TRPM5: variants seen among roughly 807,000 people sequenced by gnomAD.
TRPM5 encodes transient receptor potential cation channel subfamily M member 5.
TRPM5 carries 121 observed loss-of-function variants against 124.9 expected under a neutral mutation model. The observed-to-expected ratio is 0.97, with a 90% CI of 0.84 to 1.13. The LOEUF is 1.13. Among genes scored for constraint, TRPM5 ranks in the 50% most tolerant of loss-of-function variants. TRPM5 has a pLI of 0.00. For synonymous variants in TRPM5, 781 were observed against 700.5 expected (o/e 1.11, Z -1.81); for missense variants, 1,643 against 1,589.1 (o/e 1.03, Z -0.58).
exon 9 of TRPM5, chr11:2,415,323 C>A: frequency 1.3e-6 from 2 of 1,585,144 alleles, no homozygotes. Flanking sequence ...GAAGAGCAGG[C>A]TCTTGCGTGA....
At chr11:2,433,464 AG>A in the TRPM5 span, among the ~76,000 whole-genome samples, 6 of 152,220 alleles carry the variant, frequency 3.9e-5, no homozygotes. Flanking sequence ...TGGCTGGGGT[AG>A]GGGGCTCCAT....
At chr11:2,414,013 G>GCCGC in intron 12 of TRPM5, 48 bp downstream of exon 17, 1 of 625,666 alleles carries the variant, frequency 1.6e-6, no homozygotes, top group Non-Finnish European at 2.4e-6. Flanking sequence ...CAGCTCGCCC[G>GCCGC]CCCACCCCAC....
chr11:2,408,169 G>T (rs59240172), intron 18 of TRPM5, among the ~76,000 whole-genome samples: 2 of 152,186 alleles, frequency 1.3e-5, no homozygotes, highest in Non-Finnish European at 2.9e-5. Flanking sequence ...CTTCCACCAG[G>T]GGCTGGAGTC....
At chr11:2,410,081 T>C (rs1850414294) in intron 18 of TRPM5, among the ~76,000 whole-genome samples, 1 of 152,094 alleles carries the variant, frequency 6.6e-6, no homozygotes, top group African/African-American at 2.4e-5. Context: ...CTGGAGGCCG[T>C]ATGGTGAGGG....
rs763548721 is a variant in TRPM5, at chr11:2,405,063, C to T, written c.3392-20G>A. 11 of 1,604,744 alleles carry T rather than the reference C, an allele frequency of 6.9e-6. No individual in the cohort carries two copies. The highest frequency in any genetic ancestry group is 1.1e-5 in the South Asian group (1 of 90,612). On this transcript the variant is annotated intron_variant, in intron 23 of 23. Transcript: ENST00000155858. ...GAGAGCCTGCTGGGAAGGAAGGCCC[C>T]CCTGAGCGGTGGGAACCAGCAAGGC...
chr11:2,416,881 A>T (rs1444646209), intron 7 of TRPM5, among the ~76,000 whole-genome samples: 1 of 152,244 alleles, frequency 6.6e-6, no homozygotes, highest in African/African-American at 2.4e-5. Context: ...CGGTCTGTCC[A>T]CAGGCTGGAA....
the TRPM5 span, among the ~76,000 whole-genome samples, chr11:2,444,313 TC>T: frequency 6.7e-6 from 1 of 150,126 alleles, no homozygotes; most frequent in East Asian, 2.0e-4. Context: ...ATCCCTTTCC[TC>T]CCCCCAACCC....
chr11:2,435,213 T>C, the TRPM5 span, among the ~76,000 whole-genome samples: 1 of 152,250 alleles, frequency 6.6e-6, no homozygotes, highest in South Asian at 2.1e-4. The surrounding 1 kb of genome is among the most constrained non-coding windows in gnomAD (Gnocchi z 4.1). Context: ...ATGATTAAGA[T>C]GGCTATGGAG....
intron 4 of TRPM5, 34 bp from the exon 10 acceptor site, chr11:2,418,625 C>T: frequency 6.3e-7 from 1 of 1,594,628 alleles, no homozygotes; most frequent in South Asian, 1.1e-5. Context: ...CCTGAGGACC[C>T]TCCGCCTGGG....
At position 2,414,911 on chromosome 11, in the gene TRPM5, G is replaced by A. The variant is rs762362720; in HGVS notation, c.1616C>T (p.Ala539Val). The A allele has an allele frequency of 4.6e-5, 74 of 1,605,092 alleles. No individual in the cohort carries two copies. In the South Asian group the frequency reaches 8.1e-4, roughly 18 times the overall value. ...GGGCCCGCGGCCTGGGCTCACCATGGCCCAGAAGTAGGTGGCCATCTCGTG... is the reference window on the plus strand; with the variant it reads ...GGGCCCGCGGCCTGGGCTCACCATGACCCAGAAGTAGGTGGCCATCTCGTG... Residue 539 changes from alanine (A) to valine (V), a missense_variant, in exon 10 of 24, where the codon GCC (alanine) becomes GTC (valine). Coordinates refer to ENST00000155858, the Ensembl canonical transcript of TRPM5.
intron 12 of TRPM5, 52 bp downstream of exon 17, chr11:2,414,009 G>GGGGGGGGCCC: frequency 2.0e-6 from 2 of 1,023,728 alleles, no homozygotes; most frequent in Non-Finnish European, 2.9e-6. Context: ...GGCCCAGCTC[G>GGGGGGGGCCC]CCCGCCCACC....
upstream of TRPM5, among the ~76,000 whole-genome samples, chr11:2,427,353 G>A (rs970020785): frequency 1.2e-4 from 19 of 152,348 alleles, no homozygotes; most frequent in African/African-American, 3.4e-4. Flanking sequence ...CCTGACACGC[G>A]GCTGCTGGCC....
At chr11:2,417,898 G>A in intron 6 of TRPM5, 69 bp from the exon 12 acceptor site, 1 of 1,420,428 alleles carries the variant, frequency 7.0e-7, no homozygotes, top group Non-Finnish European at 9.7e-7. Context: ...GGCCGTGGTA[G>A]ACACCAGCGT....
chr11:2,442,414 CACACACAG>C, the TRPM5 span, among the ~76,000 whole-genome samples: 2 of 143,950 alleles, frequency 1.4e-5, no homozygotes, highest in Admixed American at 1.3e-4. The surrounding 1 kb of genome is among the most constrained non-coding windows in gnomAD (Gnocchi z 5.9). Context: ...CACACACACA[CACACACAG>C]AGTTCTTTGG....
At chr11:2,406,679 A>G (rs750851865) in exon 21 of TRPM5, 4 of 1,612,162 alleles carry the variant, frequency 2.5e-6, no homozygotes, top group Non-Finnish European at 3.4e-6. Context: ...GGTTTTCCGC[A>G]GCACCTCCCC....
chr11:2,409,845 C>T lies in TRPM5; in HGVS notation c.2782+1507G>A, dbSNP rs112409209. Among the ~76,000 whole-genome samples the T allele has an allele frequency of 2.3e-3, 350 of 152,328 alleles. 1 individual carries two copies. Among genetic ancestry groups the T allele is most frequent in the African/African-American group, 8.0e-3 (334 of 41,572 alleles). ...TCTGAGATCCCCGCAGCACCGCAGACCTCCCTGAGGCAGCACTCGGAGCAG... is the reference window on the plus strand; with the variant it reads ...TCTGAGATCCCCGCAGCACCGCAGATCTCCCTGAGGCAGCACTCGGAGCAG... On this transcript the variant is annotated intron_variant, in intron 18 of 23. Coordinates refer to ENST00000155858, the Ensembl canonical transcript of TRPM5.
At position 2,420,510 on chromosome 11, in the gene TRPM5, C is replaced by T. The variant is rs1166075218; in HGVS notation, c.466-105G>A. ...GCCGTGCACACCACGCCATGGGGCC[C>T]CGCACAAGGCTTCTGCCCGAGCCTT... is the stretch of plus-strand genomic sequence containing the variant. On this transcript the variant is annotated intron_variant, in intron 3 of 23. Transcript: ENST00000155858. 21 of 1,175,940 alleles carry T rather than the reference C, an allele frequency of 1.8e-5. No homozygotes were observed. The African/African-American group carries it at 2.9e-4, about 16-fold the overall frequency. 72.8% of individuals were successfully genotyped at this position (1,175,940 alleles called of 1,614,324 possible).
At chr11:2,420,063 C>T (rs146237898) in intron 4 of TRPM5, among the ~76,000 whole-genome samples, 159 bp downstream of exon 9, 1 of 30,268 alleles carries the variant, frequency 3.3e-5, no homozygotes, top group Non-Finnish European at 5.9e-5. Context: ...ACGGCCCAGG[C>T]CCCCACGGCC....
chr11:2,411,872 G>A, intron 16 of TRPM5, 105 bp from the exon 22 acceptor site: 1 of 1,413,490 alleles, frequency 7.1e-7, no homozygotes, highest in Non-Finnish European at 9.7e-7. Flanking sequence ...GCCAGGCCAG[G>A]ACTCCTTGGG....
Sources: allele counts gnomAD v4.1 joint callset (sites outside exome capture counted in the v4.1 genomes callset), GRCh38; gene constraint gnomAD v4.1.1; non-coding constraint Gnocchi (gnomAD v3.1); transcripts MANE v1.5; gene names NCBI Gene and HGNC (gene_info 2026-07-23, HGNC 2026-07-21).